The following ZNF497 variants were observed in gnomAD, a reference collection of about 807,000 sequenced individuals.
ZNF497 encodes zinc finger protein 497, also known as zinc finger-like protein.
For missense variants in ZNF497, 930 were observed against 714.0 expected (o/e 1.30, Z -3.45); for synonymous variants, 422 against 313.7 (o/e 1.35, Z -3.65).
chr19:58,359,558 G>A (rs1476841771), intron 1 of ZNF497: 1 of 433,500 alleles, frequency 2.3e-6, no homozygotes, highest in Non-Finnish European at 4.7e-6. Flanking sequence ...TCCCTGCCCT[G>A]CCCTGTCTCC....
chr19:58,362,654 G>A (rs1386140647), intron 1 of ZNF497, 23 bp downstream of exon 1: 1 of 152,198 alleles, frequency 6.6e-6, no homozygotes, highest in African/African-American at 2.4e-5. Flanking sequence ...GCCTGGCCGA[G>A]GGTGTCCGTC....
chr19:58,358,105 CTA>C, intron 2 of ZNF497: 1 of 1,263,138 alleles, frequency 7.9e-7, no homozygotes, highest in Non-Finnish European at 1.0e-6. Context: ...CCAAACACAG[CTA>C]TGTCTGCCTC....
At position 58,357,062 on chromosome 19, in the gene ZNF497, AGC is replaced by A; in HGVS notation, c.572_573del (p.Arg191LeufsTer136). On this transcript the variant is annotated frameshift_variant, in exon 3 of 3. Transcript: ENST00000311044. ...QETHSGLKPF[R>X]CPDCGKSFGR... is the part of the protein sequence containing the mutation. Reference sequence around the variant, plus strand: ...CCGAAGGACTTGCCGCAGTCCGGGCAGCGGAAGGGCTTCAGGCCGCTGTGTGT... The same window carrying A: ...CCGAAGGACTTGCCGCAGTCCGGGCAGGAAGGGCTTCAGGCCGCTGTGTGT... 1 of 1,611,036 alleles carries A rather than the reference AGC, an allele frequency of 6.2e-7. No individual in the cohort carries two copies. Among genetic ancestry groups the A allele is most frequent in the South Asian group, 1.1e-5 (1 of 90,878 alleles).
Position 58,356,286 on chromosome 19 carries a change from G to A in ZNF497, c.1350C>T (p.Ala450=), listed in dbSNP as rs1383227679. 7 of 1,594,968 alleles carry A rather than the reference G, an allele frequency of 4.4e-6. No homozygotes were observed. Among genetic ancestry groups the A allele is most frequent in the Admixed American group, 1.7e-5 (1 of 57,236 alleles). Residue 450 remains alanine (A), a synonymous_variant, in exon 3 of 3, where the codon GCC becomes GCT. Coordinates refer to ENST00000311044, the MANE Select transcript of ZNF497 (RefSeq NM_198458.3). ...TTAAGAGCTCCGACTTGCGCACGAA[G>A]GCCTTGCTGCAGTGGGCGCAGACGA... The part of the protein sequence containing the change: ...RPFVCAHCSK[A]FVRKSELLSH...
At chr19:58,358,213 A>G in intron 2 of ZNF497, 1 of 1,289,856 alleles carries the variant, frequency 7.8e-7, no homozygotes, top group South Asian at 1.2e-5. Flanking sequence ...TTACCCAGGC[A>G]ATGTCCACAC....
In ZNF497 at chr19:58,356,009, C is replaced by A. The variant is rs1599909296; in HGVS notation, c.*130G>T. 20 of 1,082,470 alleles carry A rather than the reference C, an allele frequency of 1.8e-5. No individual in the cohort carries two copies. The East Asian group carries it at 5.4e-4, about 29-fold the overall frequency. 67.1% of individuals were successfully genotyped at this position (1,082,470 alleles called of 1,614,324 possible). A position where few individuals can be genotyped will look rare whatever the true frequency, so the allele number is the denominator to read the frequency against. On this transcript the variant is annotated 3_prime_UTR_variant, in exon 3 of 3. Coordinates refer to ENST00000311044, the MANE Select transcript of ZNF497 (RefSeq NM_198458.3). ...CCAGGGTTCTCCACACCCAAGGCCG[C>A]CCCTGCACTCCCAGCAGGAGGGCGC...
chr19:58,356,838 C>A lies in ZNF497; in HGVS notation c.798G>T (p.Lys266Asn). 6.4e-7 allele frequency: 1 copy of A among 1,573,394 alleles called. No homozygotes were observed. Among genetic ancestry groups the A allele is most frequent in the Non-Finnish European group, 8.6e-7 (1 of 1,165,954 alleles). ...SQSSNLAEHLKIHAGARPHAC... is the reference protein window; with the variant it reads ...SQSSNLAEHLNIHAGARPHAC... ...CGTGTGGCCGTGCGCCCGCGTGGATCTTCAGGTGCTCGGCCAGGTTGGAGC... is the reference window on the plus strand; with the variant it reads ...CGTGTGGCCGTGCGCCCGCGTGGATATTCAGGTGCTCGGCCAGGTTGGAGC... The change falls in exon 3 of 3, where the codon AAG becomes AAT. Residue 266 changes from lysine to asparagine, a missense_variant. Coordinates refer to ENST00000311044, the MANE Select transcript of ZNF497 (RefSeq NM_198458.3).
rs1568558589 is a variant in ZNF497, at chr19:58,356,991, C to CT, written c.644dup (p.Lys216GlufsTer112). ...CGCACTCCGGGCACTCGTAGGGCTT[C>CT]TCGCCCGTGTGCGTGCGTCGGTGCT... On this transcript the variant is annotated frameshift_variant, in exon 3 of 3. Transcript: ENST00000311044. 3.7e-6 allele frequency: 6 copies of CT among 1,609,622 alleles called. No homozygotes were observed. The African/African-American group carries it at 6.7e-5, about 18-fold the overall frequency.
At chr19:58,360,191 C>T (rs914956226) in intron 1 of ZNF497, among the ~76,000 whole-genome samples, 2 of 152,118 alleles carry the variant, frequency 1.3e-5, no homozygotes, top group East Asian at 1.9e-4. Flanking sequence ...GAGATACAGC[C>T]GTGGGAGTGA....
At position 58,357,256 on chromosome 19, in the gene ZNF497, A is replaced by C. The variant is rs2052037768; in HGVS notation, c.380T>G (p.Val127Gly). ...CGTGTACGGCTTCTCGCCTGTGTGCACGCGCCGATGCTGCAGCAAGTAAGA... is the reference window on the plus strand; with the variant it reads ...CGTGTACGGCTTCTCGCCTGTGTGCCCGCGCCGATGCTGCAGCAAGTAAGA... ...QGSYLLQHRR[V>G]HTGEKPYTCP... The change falls in exon 3 of 3, where the codon GTG (valine) becomes GGG (glycine). Residue 127 changes from valine (V) to glycine (G), a missense_variant. Coordinates refer to ENST00000311044, the MANE Select transcript of ZNF497 (RefSeq NM_198458.3). 1 of 1,612,790 alleles carries C rather than the reference A, an allele frequency of 6.2e-7. No individual in the cohort carries two copies. Among genetic ancestry groups the C allele is most frequent in the Non-Finnish European group, 8.5e-7 (1 of 1,179,720 alleles).
rs1026029241 is a variant in ZNF497, at chr19:58,356,090, A to C, written c.*49T>G. On this transcript the variant is annotated 3_prime_UTR_variant, in exon 3 of 3. Coordinates refer to ENST00000311044, the MANE Select transcript of ZNF497 (RefSeq NM_198458.3). ...AGCAGACAGCGCACTCACGCCCGAG[A>C]CCCCGCAATGCCGTGTGTCCGCGAC... is the stretch of plus-strand genomic sequence containing the variant. The C allele has an allele frequency of 3.4e-6, 5 of 1,482,216 alleles. No homozygotes were observed. The highest frequency in any genetic ancestry group is 5.0e-4 in the Middle Eastern group (2 of 3,990). 91.8% of individuals were successfully genotyped at this position (1,482,216 alleles called of 1,614,324 possible).
chr19:58,356,851 G>A lies in ZNF497; in HGVS notation c.785C>T (p.Ala262Val). ...GKAFSQSSNLAEHLKIHAGAR... is the reference protein window; with the variant it reads ...GKAFSQSSNLVEHLKIHAGAR... Reference sequence around the variant, plus strand: ...GCCCGCGTGGATCTTCAGGTGCTCGGCCAGGTTGGAGCTCTGGCTGAAGGC... The same window carrying A: ...GCCCGCGTGGATCTTCAGGTGCTCGACCAGGTTGGAGCTCTGGCTGAAGGC... Residue 262 changes from alanine to valine, a missense_variant, in exon 3 of 3, where the codon GCC becomes GTC. Coordinates refer to ENST00000311044, the MANE Select transcript of ZNF497 (RefSeq NM_198458.3). The A allele has an allele frequency of 1.3e-5, 21 of 1,574,536 alleles. No individual in the cohort carries two copies. Among genetic ancestry groups the A allele is most frequent in the Non-Finnish European group, 1.7e-5 (20 of 1,166,490 alleles).
At chr19:58,360,535 T>A (rs190682802) in intron 1 of ZNF497, among the ~76,000 whole-genome samples, 171 of 151,588 alleles carry the variant, frequency 1.1e-3, no homozygotes, top group African/African-American at 3.9e-3. Context: ...TATTTTTTAT[T>A]TTTCTATTTT....
In ZNF497 at chr19:58,357,915, G is replaced by A. The variant is rs1263222703; in HGVS notation, c.-14-266C>T. ...CCGGCCCAGCAGGAGGGGAGGGGGC[G>A]CCAGCATCGCAGAAGGACTCAAAGT... is the stretch of plus-strand genomic sequence containing the variant. On this transcript the variant is annotated intron_variant, in intron 2 of 2. Transcript: ENST00000311044. 36 of 1,357,428 alleles carry A rather than the reference G, an allele frequency of 2.7e-5. No individual in the cohort carries two copies. In the East Asian group the frequency reaches 8.3e-4, roughly 31 times the overall value. The allele number at this position is 1,357,428 out of a possible 1,614,324, so 84.1% of individuals were successfully genotyped here.
intron 2 of ZNF497, 69 bp downstream of exon 2, chr19:58,358,420 T>C: frequency 2.6e-6 from 3 of 1,160,018 alleles, no homozygotes; most frequent in Middle Eastern, 3.6e-4. Flanking sequence ...GAGCACCTTA[T>C]CATCCTTGTG....
chr19:58,357,562 G>A lies in ZNF497; in HGVS notation c.74C>T (p.Ala25Val), dbSNP rs1279233265. The change falls in exon 3 of 3, where the codon GCC becomes GTC. Residue 25 changes from alanine to valine, a missense_variant. Coordinates refer to ENST00000311044, the MANE Select transcript of ZNF497 (RefSeq NM_198458.3). ...AGCCCCCTCAGAGAGGCCCCTCGTG[G>A]CAGTCTTCACATTGCAGAGGACCTG... ...EGQVLCNVKT[A>V]TRGLSEGAVS... 2.5e-6 allele frequency: 4 copies of A among 1,600,404 alleles called. No individual in the cohort carries two copies. The highest frequency in any genetic ancestry group is 3.5e-5 in the Admixed American group (2 of 57,872).
Position 58,356,910 on chromosome 19 carries a change from G to T in ZNF497, c.726C>A (p.Gly242=). The T allele has an allele frequency of 6.3e-7, 1 of 1,592,594 alleles. No homozygotes were observed. ...NFLEHRRVHT[G]ARPHACRDCG... is the part of the protein sequence containing the mutation. Reference sequence around the variant, plus strand: ...AGTCCCGGCAGGCGTGCGGCCGCGCGCCCGTGTGCACGCGCCGGTGCTCCA... The same window carrying T: ...AGTCCCGGCAGGCGTGCGGCCGCGCTCCCGTGTGCACGCGCCGGTGCTCCA... Residue 242 remains glycine, a synonymous_variant, in exon 3 of 3, where the codon GGC becomes GGA. Coordinates refer to ENST00000311044, the MANE Select transcript of ZNF497 (RefSeq NM_198458.3).
rs2052033029 is a variant in ZNF497, at chr19:58,357,015, C to CT, written c.620dup (p.His208AlafsTer120). ...TCTCGCCCGTGTGCGTGCGTCGGTG[C>CT]TGCACCAGCGTGGTGCTTCGGCCGA... On this transcript the variant is annotated frameshift_variant, in exon 3 of 3. Coordinates refer to ENST00000311044, the MANE Select transcript of ZNF497 (RefSeq NM_198458.3). The CT allele has an allele frequency of 1.2e-6, 2 of 1,609,834 alleles. No individual in the cohort carries two copies. Among genetic ancestry groups the CT allele is most frequent in the African/African-American group, 2.7e-5 (2 of 74,416 alleles).
At chr19:58,362,421 C>T (rs1158438943) in intron 1 of ZNF497, among the ~76,000 whole-genome samples, 1 of 152,236 alleles carries the variant, frequency 6.6e-6, no homozygotes, top group Non-Finnish European at 1.5e-5. Flanking sequence ...AGGAACGATG[C>T]CACAGAACTG....
Sources: gnomAD v4.1 joint callset for allele counts (sites outside exome capture counted in the v4.1 genomes callset) on GRCh38, gnomAD v4.1.1 for gene constraint, MANE v1.5 for transcripts, NCBI Gene and HGNC (gene_info 2026-07-23, HGNC 2026-07-21) for gene names.